The following TRMT2B variants were observed in gnomAD, a reference collection of about 807,000 sequenced individuals.
TRMT2B encodes tRNA methyltransferase 2B, also known as tRNA (uracil-5-)-methyltransferase homolog B.
In TRMT2B, 34 loss-of-function variants were observed where a neutral mutation model predicts 39.7. The ratio of observed to expected loss-of-function variants is 0.86; its 90% CI spans 0.65 to 1.14. The LOEUF (loss-of-function observed/expected upper bound fraction) is 1.14. Among genes scored for constraint, TRMT2B ranks in the 50% most tolerant of loss-of-function variants. TRMT2B has a pLI of 0.00. For missense variants in TRMT2B, 318 were observed against 377.2 expected, an observed-to-expected ratio of 0.84 and a Z score of 1.30; for synonymous variants, 132 against 137.3, an observed-to-expected ratio of 0.96 and a Z score of 0.27.
chrX:100,975,723 C>T, the TRMT2B span, among the ~76,000 whole-genome samples: 1 of 108,942 alleles, frequency 9.2e-6, no homozygotes, highest in East Asian at 2.9e-4. Context: ...ACCTCCACCT[C>T]CCAGGTTCAA....
the TRMT2B span, among the ~76,000 whole-genome samples, chrX:100,977,443 C>T: frequency 2.7e-4 from 27 of 98,837 alleles, no homozygotes; most frequent in Non-Finnish European, 4.4e-4. Context: ...TGCAGTGGCA[C>T]GATCTCGGCT....
chrX:101,030,454 C>CCTTTTTTTTTTTTTTT (rs1417481072), intron 7 of TRMT2B, among the ~76,000 whole-genome samples: 2 of 71,846 alleles, frequency 2.8e-5, no homozygotes, highest in African/African-American at 1.3e-4. Context: ...GATCTGCATT[C>CCTTTTTTTTTTTTTTT]TTTTTTTTTT....
chrX:101,019,108 T>A, intron 12 of TRMT2B, 38 bp from the exon 13 acceptor site: 1 of 1,091,813 alleles, frequency 9.2e-7, no homozygotes, highest in Non-Finnish European at 1.3e-6. Flanking sequence ...TATAATTAAC[T>A]ACCATGGTCT....
chrX:101,041,261 G>T, intron 4 of TRMT2B, 56 bp downstream of exon 4: 2 of 1,050,076 alleles, frequency 1.9e-6, no homozygotes, highest in Non-Finnish European at 2.6e-6. Flanking sequence ...AGCTTCCTAC[G>T]AGTCCAGCAC....
chrX:100,982,764 TC>T, the TRMT2B span, among the ~76,000 whole-genome samples: 1 of 107,430 alleles, frequency 9.3e-6, no homozygotes, highest in African/African-American at 3.4e-5. Context: ...CAAGCGATCC[TC>T]CCACCTCAGG....
At chrX:101,018,442 C>CTTT (rs1171655035) in intron 13 of TRMT2B, among the ~76,000 whole-genome samples, 1 of 100,330 alleles carries the variant, frequency 1.0e-5, no homozygotes, top group South Asian at 4.5e-4. Flanking sequence ...ATTTTTAACA[C>CTTT]TTTTTTTTTT....
chrX:101,049,390 G>A (rs1324137679), intron 2 of TRMT2B, among the ~76,000 whole-genome samples: 1 of 105,606 alleles, frequency 9.5e-6, no homozygotes, highest in Admixed American at 1.0e-4. Flanking sequence ...AGCTACTTAG[G>A]AGGCTGAGAC....
rs145717347 is a variant in TRMT2B, at chrX:101,039,678, G to T, written c.304-1627C>A. On this transcript the variant is annotated intron_variant, in intron 4 of 13. Coordinates refer to ENST00000372936, the MANE Select transcript of TRMT2B (RefSeq NM_024917.6). The stretch of plus-strand genomic sequence containing the variant: ...TTTGGGAGTCTGAAGCAGGCGGATC[G>T]CTTGCGTCCAGGAGTTCAAGACCAG... 4.8e-3 allele frequency among the ~76,000 whole-genome samples: 537 copies of T among 111,362 alleles called. 3 individuals are homozygous for T. The highest frequency in any genetic ancestry group is 0.017 in the African/African-American group (511 of 30,676).
intron 4 of TRMT2B, among the ~76,000 whole-genome samples, 166 bp downstream of exon 4, chrX:101,041,151 C>T (rs2088211156): frequency 9.0e-6 from 1 of 111,424 alleles, no homozygotes; most frequent in Admixed American, 9.7e-5. Flanking sequence ...TTGTAGTGAG[C>T]CGAGACTGCG....
intron 2 of TRMT2B, among the ~76,000 whole-genome samples, chrX:101,048,107 T>TACACAC (rs1556363896): frequency 3.0e-4 from 16 of 53,199 alleles, no homozygotes; most frequent in Non-Finnish European, 5.0e-4. Context: ...TTTACATTTA[T>TACACAC]ACACATACAC....
the TRMT2B span, among the ~76,000 whole-genome samples, chrX:100,989,699 G>A: frequency 1.8e-5 from 2 of 112,135 alleles, no homozygotes; most frequent in Middle Eastern, 9.4e-3. Context: ...CTTAAAGGCT[G>A]TAGTTACTGG....
At chrX:100,981,349 C>A in the TRMT2B span, among the ~76,000 whole-genome samples, 1 of 111,538 alleles carries the variant, frequency 9.0e-6, no homozygotes, top group Non-Finnish European at 1.9e-5. Context: ...TGTGACAGGG[C>A]AGCACTGAGT....
intron 4 of TRMT2B, among the ~76,000 whole-genome samples, chrX:101,040,214 A>T (rs1372338586): frequency 9.3e-6 from 1 of 107,868 alleles, no homozygotes; most frequent in Non-Finnish European, 1.9e-5. Context: ...GAATCACTTG[A>T]ACCCGGGAGA....
At chrX:101,035,204 GA>G (rs1230030428) in intron 7 of TRMT2B, among the ~76,000 whole-genome samples, 9 of 109,987 alleles carry the variant, frequency 8.2e-5, no homozygotes, top group African/African-American at 1.3e-4. Context: ...AAGAAAGAAA[GA>G]AAAAAACGTA....
intron 11 of TRMT2B, among the ~76,000 whole-genome samples, chrX:101,020,111 CTG>C (rs1384949001): frequency 3.6e-5 from 4 of 111,602 alleles, no homozygotes; most frequent in Non-Finnish European, 7.5e-5. Flanking sequence ...TGACAGAAGA[CTG>C]TGTTTGAAGA....
chrX:100,998,395 C>T, the TRMT2B span, among the ~76,000 whole-genome samples: 2 of 104,321 alleles, frequency 1.9e-5, no homozygotes, highest in Non-Finnish European at 3.9e-5. Context: ...AGAATGACAC[C>T]CATTACAAAA....
chrX:100,996,908 TCAAAAAA>T, the TRMT2B span, among the ~76,000 whole-genome samples: 1 of 111,681 alleles, frequency 9.0e-6, no homozygotes, highest in Admixed American at 9.5e-5. Flanking sequence ...GAGACGCTAC[TCAAAAAA>T]CAAAAAACCA....
At chrX:101,003,357 T>C in the TRMT2B span, among the ~76,000 whole-genome samples, 9 of 108,847 alleles carry the variant, frequency 8.3e-5, no homozygotes, top group African/African-American at 3.0e-4. Flanking sequence ...GCTTTTTTTT[T>C]TTTTTTCTGA....
At position 101,036,141 on chromosome X, in the gene TRMT2B, G is replaced by A. The variant is rs144629377; in HGVS notation, c.539-458C>T. 1.3e-3 allele frequency among the ~76,000 whole-genome samples: 144 copies of A among 111,725 alleles called. 2 individuals carry two copies. The highest frequency in any genetic ancestry group is 4.5e-3 in the African/African-American group (138 of 30,828). On this transcript the variant is annotated intron_variant, in intron 6 of 13. Transcript: ENST00000372936. ...ATTTCAAGTGGATTTATTGAAAATG[G>A]GCAAACAGAAAGCTCAGGAATGGGC...
Sources: allele counts gnomAD v4.1 joint callset (sites outside exome capture counted in the v4.1 genomes callset), GRCh38; gene constraint gnomAD v4.1.1; transcripts MANE v1.5; gene names NCBI Gene and HGNC (gene_info 2026-07-23, HGNC 2026-07-21).